NUFIP2: variants seen among roughly 807,000 people sequenced by gnomAD.
NUFIP2 encodes nuclear FMR1 interacting protein 2, also known as FMR1-interacting protein NUFIP2.
NUFIP2 carries 6 observed loss-of-function variants against 56.9 expected under a neutral mutation model. That is an observed-to-expected ratio of 0.11 (90% CI 0.06 to 0.21). NUFIP2 has a LOEUF of 0.21. Ranked by LOEUF, NUFIP2 falls within the 10% of genes least tolerant of loss-of-function variation. The pLI, the probability that NUFIP2 is intolerant of heterozygous loss-of-function variation, is 1.00. For missense variants in NUFIP2, 828 were observed against 826.8 expected (o/e 1.00, Z -0.02); for synonymous variants, 321 against 298.2 (o/e 1.08, Z -0.79).
At position 29,276,029 on chromosome 17, in the gene NUFIP2, A is replaced by AATATATATATATATATATATATATATAT. The variant is rs71135888; in HGVS notation, c.2003-8500_2003-8499insATATATATATATATATATATATATATAT. On this transcript the variant is annotated intron_variant, in intron 2 of 3. Transcript: ENST00000225388. ...GGTGACAGAGTAAGACTCCGTCTCA[A>AATATATATATATATATATATATATATAT]ATATATATATATATATATATCTGAA... 2.3e-3 allele frequency among the ~76,000 whole-genome samples: 320 copies of AATATATATATATATATATATATATATAT among 137,956 alleles called. 3 individuals carry two copies. Among genetic ancestry groups the AATATATATATATATATATATATATATAT allele is most frequent in the South Asian group, 7.9e-3 (31 of 3,940 alleles). The allele number at this position is 137,956 out of a possible 152,430, so 90.5% of individuals were successfully genotyped here. A position where few individuals can be genotyped will look rare whatever the true frequency, so the allele number is the denominator to read the frequency against.
intron 1 of NUFIP2, among the ~76,000 whole-genome samples, chr17:29,292,762 G>GCGC (rs1488600376): frequency 6.7e-6 from 1 of 149,630 alleles, no homozygotes; most frequent in Non-Finnish European, 1.5e-5. Flanking sequence ...GCGGGGCCCT[G>GCGC]CGCAGGCCGC....
In NUFIP2 at chr17:29,256,017, C is replaced by G. The variant is rs777782643; in HGVS notation, c.*8522G>C. 6.6e-6 allele frequency: 1 copy of G among 152,096 alleles called. No individual in the cohort carries two copies. Among genetic ancestry groups the G allele is most frequent in the Admixed American group, 6.5e-5 (1 of 15,274 alleles). The allele number at this position is 152,096 out of a possible 1,614,324, so 9.4% of individuals were successfully genotyped here. On this transcript the variant is annotated 3_prime_UTR_variant, in exon 4 of 4. Coordinates refer to ENST00000225388, the MANE Select transcript of NUFIP2 (RefSeq NM_020772.3). Reference sequence around the variant, plus strand: ...AGACATCAATAAAGGAAGATCATCACGTAAATGACACTTCCTCAGAATCCA... The same window carrying G: ...AGACATCAATAAAGGAAGATCATCAGGTAAATGACACTTCCTCAGAATCCA...
At position 29,286,842 on chromosome 17, in the gene NUFIP2, T is replaced by C. The variant is rs762587290; in HGVS notation, c.1152A>G (p.Ser384=). The change falls in exon 2 of 4, where the codon TCA becomes TCG. Residue 384 remains serine, a synonymous_variant. Transcript: ENST00000225388. ...GGGTCTGAGTTTCCCCGGTAGATGA[T>C]GAAGATGATGAAGATGAAGTTGGTG... ...SVSPTSSSSS[S]SSTGETQTQS... 3.1e-6 allele frequency: 5 copies of C among 1,613,818 alleles called. No homozygotes were observed. Among genetic ancestry groups the C allele is most frequent in the Non-Finnish European group, 3.4e-6 (4 of 1,179,894 alleles).
chr17:29,263,644 G>A lies in NUFIP2; in HGVS notation c.*895C>T, dbSNP rs1344177230. 6.6e-6 allele frequency: 1 copy of A among 152,600 alleles called. No individual in the cohort carries two copies. The highest frequency in any genetic ancestry group is 1.5e-5 in the Non-Finnish European group (1 of 68,022). The allele number at this position is 152,600 out of a possible 1,614,324, so 9.5% of individuals were successfully genotyped here. ...AGTCTGGAGCACCTACAGTTGAAAA[G>A]CAGAATATATTTTTGCTCCCAGTTA... On this transcript the variant is annotated 3_prime_UTR_variant, in exon 4 of 4. Transcript: ENST00000225388.
intron 2 of NUFIP2, among the ~76,000 whole-genome samples, chr17:29,278,670 T>TTTGTTA (rs1178674717): frequency 6.6e-6 from 1 of 152,094 alleles, no homozygotes; most frequent in Non-Finnish European, 1.5e-5. Context: ...TTTGCTACTA[T>TTTGTTA]CATTATAGTA....
intron 3 of NUFIP2, 37 bp downstream of exon 3, chr17:29,267,461 T>C: frequency 8.4e-7 from 1 of 1,192,080 alleles, no homozygotes; most frequent in Non-Finnish European, 1.2e-6. Context: ...CAGTGGTTAC[T>C]TATTAGTGAC....
intron 2 of NUFIP2, among the ~76,000 whole-genome samples, chr17:29,272,240 CTTTT>C (rs750900881): frequency 4.5e-5 from 6 of 133,118 alleles, no homozygotes; most frequent in East Asian, 2.1e-4. Flanking sequence ...GAAATGTGTT[CTTTT>C]TTTTTTTTTT....
rs2068996472 is a variant in NUFIP2 at position 29,260,508 on chromosome 17, A to G, written c.*4031T>C. ...TGACTCCGTCCTTATTTACAGTGGA[A>G]TTAAAATTGAGTAAAGTCCATTTCC... On this transcript the variant is annotated 3_prime_UTR_variant, in exon 4 of 4. Coordinates refer to ENST00000225388, the MANE Select transcript of NUFIP2 (RefSeq NM_020772.3). The G allele has an allele frequency of 6.6e-6, 1 of 152,236 alleles. No individual in the cohort carries two copies. Among genetic ancestry groups the G allele is most frequent in the African/African-American group, 2.4e-5 (1 of 41,460 alleles). The allele number at this position is 152,236 out of a possible 1,614,324, so 9.4% of individuals were successfully genotyped here.
Position 29,287,305 on chromosome 17 carries a change from C to T in NUFIP2, c.689G>A (p.Ser230Asn). Reference protein sequence around the residue: ...TPKKRKARRNSAKGCENLNIV... With the variant: ...TPKKRKARRNNAKGCENLNIV... ...ATTAAGGTTTTCACAACCCTTGGCA[C>T]TATTGCGCCTAGCTTTCCTTTTTTT... Residue 230 changes from serine (S) to asparagine (N), a missense_variant, in exon 2 of 4, where the codon AGT becomes AAT. By Grantham distance (46) the Ser-to-Asn change is conservative. Coordinates refer to ENST00000225388, the MANE Select transcript of NUFIP2 (RefSeq NM_020772.3). 6.2e-7 allele frequency: 1 copy of T among 1,614,206 alleles called. No homozygotes were observed. Among genetic ancestry groups the T allele is most frequent in the East Asian group, 2.2e-5 (1 of 44,890 alleles).
chr17:29,286,794 C>A lies in NUFIP2; in HGVS notation c.1200G>T (p.Gln400His). ...TQTQSSSRLS[Q>H]VPMSALKSVT... The stretch of plus-strand genomic sequence containing the variant: ...CAGATTTCAGCGCTGACATAGGGAC[C>A]TGGGATAAGCGACTTGATGATTGGG... The change falls in exon 2 of 4, where the codon CAG becomes CAT. Residue 400 changes from glutamine (Q) to histidine (H), a missense_variant. Gln to His is a conservative substitution (Grantham distance 24). Coordinates refer to ENST00000225388, the MANE Select transcript of NUFIP2 (RefSeq NM_020772.3). 1 of 1,614,114 alleles carries A rather than the reference C, an allele frequency of 6.2e-7. No individual in the cohort carries two copies. The highest frequency in any genetic ancestry group is 2.2e-5 in the East Asian group (1 of 44,888).
intron 1 of NUFIP2, among the ~76,000 whole-genome samples, chr17:29,289,567 G>A (rs570740076): frequency 6.6e-6 from 1 of 152,248 alleles, no homozygotes; most frequent in East Asian, 1.9e-4. Context: ...ACCCCAGCCT[G>A]GGCAACAAGA....
At chr17:29,279,166 TG>T (rs1465457509) in intron 2 of NUFIP2, among the ~76,000 whole-genome samples, 2 of 152,198 alleles carry the variant, frequency 1.3e-5, no homozygotes, top group East Asian at 3.8e-4. Flanking sequence ...ATTCACATTG[TG>T]TTTAGAAGAG....
chr17:29,255,847 A>G lies in NUFIP2; in HGVS notation c.*8692T>C, dbSNP rs188510768. On this transcript the variant is annotated 3_prime_UTR_variant, in exon 4 of 4. Coordinates refer to ENST00000225388, the MANE Select transcript of NUFIP2 (RefSeq NM_020772.3). ...AGATAACAAACACCTCAGAAACTTT[A>G]AAATTTTTTATTCAACAATGTACAC... The G allele has an allele frequency of 6.6e-6, 1 of 152,246 alleles. No homozygotes were observed. Among genetic ancestry groups the G allele is most frequent in the Non-Finnish European group, 1.5e-5 (1 of 68,036 alleles). The allele number at this position is 152,246 out of a possible 1,614,324, so 9.4% of individuals were successfully genotyped here.
chr17:29,291,369 T>C (rs1335791931), intron 1 of NUFIP2, among the ~76,000 whole-genome samples: 1 of 152,220 alleles, frequency 6.6e-6, no homozygotes, highest in African/African-American at 2.4e-5. Context: ...CCTCTTTAGG[T>C]TTGTGAGCAA....
intron 3 of NUFIP2, 52 bp from the exon 4 acceptor site, chr17:29,264,643 C>A (rs2069023750): frequency 1.7e-6 from 2 of 1,151,900 alleles, no homozygotes; most frequent in Non-Finnish European, 2.6e-6. Flanking sequence ...CTCAAAATGC[C>A]CGTATTCCAA....
intron 2 of NUFIP2, among the ~76,000 whole-genome samples, chr17:29,280,195 A>G (rs2069131976): frequency 6.6e-6 from 1 of 152,238 alleles, no homozygotes; most frequent in South Asian, 2.1e-4. Flanking sequence ...CAGCCATGTA[A>G]GACAGATCAA....
intron 1 of NUFIP2, among the ~76,000 whole-genome samples, chr17:29,288,741 A>G (rs1311121256): frequency 2.6e-5 from 4 of 152,236 alleles, no homozygotes; most frequent in African/African-American, 9.6e-5. Context: ...TCTGCAATCC[A>G]TGGTTTCCTA....
chr17:29,280,367 T>C (rs1355890648), intron 2 of NUFIP2, among the ~76,000 whole-genome samples: 1 of 152,206 alleles, frequency 6.6e-6, no homozygotes, highest in Non-Finnish European at 1.5e-5. Flanking sequence ...AAAGAGAGGC[T>C]TGCTAAGCAT....
chr17:29,270,716 A>G (rs750225434), intron 2 of NUFIP2, among the ~76,000 whole-genome samples: 12 of 152,162 alleles, frequency 7.9e-5, no homozygotes, highest in Non-Finnish European at 1.6e-4. Flanking sequence ...ATAGTGGCTC[A>G]CGCCTGTAAT....
Sources: allele counts gnomAD v4.1 joint callset (sites outside exome capture counted in the v4.1 genomes callset), GRCh38; gene constraint gnomAD v4.1.1; transcripts MANE v1.5; gene names NCBI Gene and HGNC (gene_info 2026-07-23, HGNC 2026-07-21).